Variants in PSD4 observed in about 807,000 individuals in gnomAD.
PSD4 encodes PH and SEC7 domain-containing protein 4.
PSD4 carries 59 observed loss-of-function variants against 112.5 expected under a neutral mutation model. The observed-to-expected ratio is 0.52, with a 90% CI of 0.43 to 0.65. The LOEUF (loss-of-function observed/expected upper bound fraction) is 0.65, where lower values mean the gene tolerates loss of function less well. Among genes scored for constraint, PSD4 ranks in the 30% least tolerant of loss-of-function variants. PSD4 has a pLI of 0.00. For missense variants in PSD4, 1,267 were observed against 1,352.6 expected, an observed-to-expected ratio of 0.94 and a Z score of 0.99; for synonymous variants, 533 against 540.0, an observed-to-expected ratio of 0.99 and a Z score of 0.18.
In PSD4 at chr2:113,186,236, C is replaced by G; in HGVS notation, c.1609C>G (p.His537Asp). 6.3e-7 allele frequency: 1 copy of G among 1,593,034 alleles called. No individual in the cohort carries two copies. The highest frequency in any genetic ancestry group is 8.6e-7 in the Non-Finnish European group (1 of 1,168,140). ...GACTGGAGACGTCCAGCCTGACATT[C>G]ACCTGACTTCTGCAGAACAGTAAGT... ...AETGDVQPDI[H>D]LTSAEHENLR... The change falls in exon 5 of 17, where the codon CAC becomes GAC. Residue 537 changes from histidine (H) to aspartate (D), a missense_variant. By Grantham distance (81) the His-to-Asp change is moderately conservative. Around this residue, in one of 2 missense-constraint regions of PSD4, gnomAD observed 723 missense variants for 704.0 expected, o/e 1.03. Transcript: ENST00000245796.
In PSD4 at chr2:113,208,718, C is replaced by T. The variant is rs1303144719; in HGVS notation, c.*7303C>T. ...TGACAGTCTTGCCCACCACTCCTGG[C>T]CTCCTCCCTCTACATGTCCACATTC... On this transcript the variant is annotated 3_prime_UTR_variant, in exon 17 of 17. Coordinates refer to ENST00000245796, the MANE Select transcript of PSD4 (RefSeq NM_012455.3). 2.6e-5 allele frequency: 4 copies of T among 152,226 alleles called. No homozygotes were observed. In the South Asian group the frequency reaches 8.3e-4, roughly 32 times the overall value. The allele number at this position is 152,226 out of a possible 1,614,324, so 9.4% of individuals were successfully genotyped here. A position where few individuals can be genotyped will look rare whatever the true frequency, so the allele number is the denominator to read the frequency against.
At chr2:113,191,703 G>A (rs548253680) in intron 5 of PSD4, among the ~76,000 whole-genome samples, 1 of 152,358 alleles carries the variant, frequency 6.6e-6, no homozygotes, top group African/African-American at 2.4e-5. Flanking sequence ...AAGCAGAAGA[G>A]TCAGGTTTAG....
chr2:113,185,446 C>T lies in PSD4; in HGVS notation c.1249+6C>T, dbSNP rs1464364907. ...TCTTAACTCCCAGGACAGAGGTGAGCCCTAATAAGGGGGTTTGGGAAATTG... is the reference window on the plus strand; with the variant it reads ...TCTTAACTCCCAGGACAGAGGTGAGTCCTAATAAGGGGGTTTGGGAAATTG... On this transcript the variant is annotated splice_donor_region_variant and intron_variant, in intron 4 of 16. Coordinates refer to ENST00000245796, the MANE Select transcript of PSD4 (RefSeq NM_012455.3). The T allele has an allele frequency of 1.2e-6, 2 of 1,614,064 alleles. No individual in the cohort carries two copies. Among genetic ancestry groups the T allele is most frequent in the South Asian group, 1.1e-5 (1 of 91,086 alleles).
chr2:113,196,339 G>T, intron 12 of PSD4, 32 bp downstream of exon 12: 1 of 1,597,398 alleles, frequency 6.3e-7, no homozygotes. Context: ...ACAGGGTGGC[G>T]TGCTGGGAGC....
intron 12 of PSD4, 157 bp downstream of exon 12, chr2:113,196,464 T>C (rs1688618289): frequency 3.2e-6 from 3 of 951,280 alleles, no homozygotes; most frequent in Non-Finnish European, 4.6e-6. Flanking sequence ...ACAGTGACCA[T>C]GTGCTGGATG....
Position 113,197,761 on chromosome 2 carries a change from CT to C in PSD4, c.2473del (p.Cys825ValfsTer56). ...LYFLKQGEDHCLEGESLVGQM... is the reference protein window; with the variant it reads ...LYFLKQGEDHXLEGESLVGQM... Reference sequence around the variant, plus strand: ...GTGACTGGTAGCAGGGAGAAGACCACTGTCTGGAGGGGGAGAGCTTGGTGGG... The same window carrying C: ...GTGACTGGTAGCAGGGAGAAGACCACGTCTGGAGGGGGAGAGCTTGGTGGG... On this transcript the variant is annotated frameshift_variant, in exon 14 of 17. Transcript: ENST00000245796. LOFTEE classifies it high-confidence loss of function. The C allele has an allele frequency of 5.0e-6, 8 of 1,609,134 alleles. No individual in the cohort carries two copies. Among genetic ancestry groups the C allele is most frequent in the Non-Finnish European group, 6.8e-6 (8 of 1,176,082 alleles).
At chr2:113,184,135 C>T (rs1688224731) in intron 2 of PSD4, among the ~76,000 whole-genome samples, 1 of 152,316 alleles carries the variant, frequency 6.6e-6, no homozygotes, top group East Asian at 1.9e-4. Flanking sequence ...CCAGGGAGGC[C>T]TCTCCTTAAG....
chr2:113,180,648 G>T (rs942982342), intron 1 of PSD4, among the ~76,000 whole-genome samples: 2 of 151,254 alleles, frequency 1.3e-5, no homozygotes, highest in Non-Finnish European at 2.9e-5. Context: ...TCAGGCTAAG[G>T]CTTCCTCATC....
intron 10 of PSD4, 106 bp from the exon 11 acceptor site, chr2:113,195,621 A>G: frequency 1.7e-6 from 2 of 1,176,600 alleles, no homozygotes; most frequent in South Asian, 1.3e-5. Flanking sequence ...TTGTGGGTGG[A>G]GGAGGCAGGC....
intron 5 of PSD4, among the ~76,000 whole-genome samples, chr2:113,189,066 C>T (rs1181604173): frequency 1.3e-5 from 2 of 152,056 alleles, no homozygotes; most frequent in Non-Finnish European, 2.9e-5. Flanking sequence ...CGCCTTTCAC[C>T]CTTTACCCCT....
At chr2:113,181,389 T>C (rs1481433910) in intron 1 of PSD4, among the ~76,000 whole-genome samples, 2 of 152,188 alleles carry the variant, frequency 1.3e-5, no homozygotes, top group Admixed American at 6.5e-5. Context: ...CCAGCTATTC[T>C]GAGGAAGCAG....
At position 113,199,239 on chromosome 2, in the gene PSD4, G is replaced by A; in HGVS notation, c.2913+13G>A. 1 of 1,466,082 alleles carries A rather than the reference G, an allele frequency of 6.8e-7. No individual in the cohort carries two copies. The highest frequency in any genetic ancestry group is 9.0e-7 in the Non-Finnish European group (1 of 1,113,744). The allele number at this position is 1,466,082 out of a possible 1,614,324, so 90.8% of individuals were successfully genotyped here. A position where few individuals can be genotyped will look rare whatever the true frequency, so the allele number is the denominator to read the frequency against. ...CCTGGAGTACGAGGTGAGCGGCCGA[G>A]CCCACCTCCCCGCCGCTGCGCAGCG... On this transcript the variant is annotated intron_variant, in intron 16 of 16. Coordinates refer to ENST00000245796, the MANE Select transcript of PSD4 (RefSeq NM_012455.3).
chr2:113,193,956 C>T lies in PSD4; in HGVS notation c.2181+8C>T. The T allele has an allele frequency of 6.2e-7, 1 of 1,613,064 alleles. No individual in the cohort carries two copies. The highest frequency in any genetic ancestry group is 8.5e-7 in the Non-Finnish European group (1 of 1,179,242). ...CCCAAGGAGCTGCTGAAGGTATGTGCCACGGGGTCTTCTTATGAGCCTCAT... is the reference window on the plus strand; with the variant it reads ...CCCAAGGAGCTGCTGAAGGTATGTGTCACGGGGTCTTCTTATGAGCCTCAT... On this transcript the variant is annotated splice_region_variant and intron_variant, in intron 10 of 16. Coordinates refer to ENST00000245796, the MANE Select transcript of PSD4 (RefSeq NM_012455.3).
chr2:113,207,542 T>C lies in PSD4; in HGVS notation c.*6127T>C, dbSNP rs933360204. Reference sequence around the variant, plus strand: ...CATGATCTCGGCTCACTGCAAGCTCTGCCTCCCGAGTTCACGCCATTCTCC... The same window carrying C: ...CATGATCTCGGCTCACTGCAAGCTCCGCCTCCCGAGTTCACGCCATTCTCC... On this transcript the variant is annotated 3_prime_UTR_variant, in exon 17 of 17. Coordinates refer to ENST00000245796, the MANE Select transcript of PSD4 (RefSeq NM_012455.3). The C allele has an allele frequency of 7.0e-6, 1 of 143,436 alleles. No homozygotes were observed. Among genetic ancestry groups the C allele is most frequent in the Non-Finnish European group, 1.5e-5 (1 of 66,750 alleles). The allele number at this position is 143,436 out of a possible 1,614,324, so 8.9% of individuals were successfully genotyped here.
At chr2:113,177,544 G>A (rs532347875) in intron 1 of PSD4, among the ~76,000 whole-genome samples, 2 of 152,268 alleles carry the variant, frequency 1.3e-5, no homozygotes, top group Admixed American at 6.5e-5. Context: ...ACCTGGGTTC[G>A]CACACCAGCT....
intron 5 of PSD4, among the ~76,000 whole-genome samples, chr2:113,187,815 A>G (rs1688339807): frequency 6.6e-6 from 1 of 152,238 alleles, no homozygotes; most frequent in South Asian, 2.1e-4. Flanking sequence ...TCCACCTAAC[A>G]CAGACGGGTC....
intron 5 of PSD4, among the ~76,000 whole-genome samples, chr2:113,190,216 T>A (rs1452571456): frequency 6.6e-6 from 1 of 152,198 alleles, no homozygotes; most frequent in African/African-American, 2.4e-5. Context: ...GGATCCAGTG[T>A]CATTCTCCTT....
chr2:113,200,412 C>T (rs1299771522), intron 16 of PSD4, among the ~76,000 whole-genome samples: 6 of 152,200 alleles, frequency 3.9e-5, no homozygotes, highest in South Asian at 2.1e-4. Flanking sequence ...TGCCTGTCCC[C>T]GCTGTGCCCG....
intron 14 of PSD4, 93 bp downstream of exon 14, chr2:113,198,006 CA>C: frequency 7.4e-7 from 1 of 1,359,866 alleles, no homozygotes; most frequent in African/African-American, 1.5e-5. Flanking sequence ...TTGTGGGCCC[CA>C]GGGGGTCCTG....
Sources: allele counts gnomAD v4.1 joint callset (sites outside exome capture counted in the v4.1 genomes callset), GRCh38; gene constraint gnomAD v4.1.1; regional missense constraint gnomAD v4.1.1; transcripts MANE v1.5; gene names NCBI Gene and HGNC (gene_info 2026-07-23, HGNC 2026-07-21).